The following DHX36 variants were observed in gnomAD, a reference collection of about 807,000 sequenced individuals.
The protein encoded by DHX36 is ATP-dependent DNA/RNA helicase DHX36.
In DHX36, 50 loss-of-function variants were observed where a neutral mutation model predicts 139.0. The observed-to-expected ratio is 0.36, with a 90% CI of 0.29 to 0.46. The LOEUF is 0.46. Among genes scored for constraint, DHX36 ranks in the 20% least tolerant of loss-of-function variants. The pLI is 1.00. For missense variants in DHX36, 1,024 were observed against 1,211.3 expected, an observed-to-expected ratio of 0.85 and a Z score of 2.29; for synonymous variants, 425 against 401.9, an observed-to-expected ratio of 1.06 and a Z score of -0.69.
chr3:154,316,124 T>C lies in DHX36; in HGVS notation c.283A>G (p.Ile95Val), dbSNP rs976806523. Residue 95 changes from isoleucine to valine, a missense_variant, in exon 2 of 25, where the codon ATT becomes GTT. Around this residue, in one of 4 missense-constraint regions of DHX36, gnomAD observed 293 missense variants for 274.4 expected, o/e 1.07. Coordinates refer to ENST00000496811, the MANE Select transcript of DHX36 (RefSeq NM_020865.3). ...VHMDERREEQ[I>V]VQLLNSVQAK... is the part of the protein sequence containing the mutation. Reference sequence around the variant, plus strand: ...TGAACAGAATTCAGTAACTGTACAATTTGTTCTTCTCGTCGTTCATCCATG... The same window carrying C: ...TGAACAGAATTCAGTAACTGTACAACTTGTTCTTCTCGTCGTTCATCCATG... 1.2e-6 allele frequency: 2 copies of C among 1,613,244 alleles called. No homozygotes were observed. Among genetic ancestry groups the C allele is most frequent in the Non-Finnish European group, 1.7e-6 (2 of 1,179,574 alleles).
intron 22 of DHX36, chr3:154,279,827 G>A (rs963972636): frequency 2.6e-5 from 4 of 152,164 alleles, no homozygotes; most frequent in Non-Finnish European, 5.9e-5. Context: ...CACAATGACT[G>A]TTTTAATGCC....
At position 154,276,054 on chromosome 3, in the gene DHX36, G is replaced by T. The variant is rs1213950119; in HGVS notation, c.*117C>A. ...ATTAAGTCTTTACTACCTACTGAAG[G>T]CTTCTACCTTACACATGAAAATTGT... On this transcript the variant is annotated 3_prime_UTR_variant, in exon 25 of 25. Coordinates refer to ENST00000496811, the MANE Select transcript of DHX36 (RefSeq NM_020865.3). 1 of 838,356 alleles carries T rather than the reference G, an allele frequency of 1.2e-6. No individual in the cohort carries two copies. The highest frequency in any genetic ancestry group is 2.5e-5 in the East Asian group (1 of 39,996). The allele number at this position is 838,356 out of a possible 1,614,324, so 51.9% of individuals were successfully genotyped here.
chr3:154,276,418 A>C, intron 24 of DHX36, 62 bp from the exon 25 acceptor site: 1 of 1,441,810 alleles, frequency 6.9e-7, no homozygotes, highest in South Asian at 1.3e-5. Context: ...TAACATAATA[A>C]ATGAAACTAA....
chr3:154,309,551 T>C, intron 5 of DHX36, 102 bp downstream of exon 5: 5 of 1,060,404 alleles, frequency 4.7e-6, no homozygotes, highest in Non-Finnish European at 6.5e-6. Flanking sequence ...TAGTCACCAA[T>C]CCTAAGCCTA....
chr3:154,296,426 A>G (rs1475144429), intron 12 of DHX36, among the ~76,000 whole-genome samples: 1 of 152,152 alleles, frequency 6.6e-6, no homozygotes, highest in Non-Finnish European at 1.5e-5. Context: ...GTGAGCCGAG[A>G]TCGCGCCACT....
intron 5 of DHX36, 71 bp downstream of exon 5, chr3:154,309,582 T>C: frequency 7.4e-7 from 1 of 1,359,438 alleles, no homozygotes; most frequent in Non-Finnish European, 9.9e-7. Flanking sequence ...ACTCCACACC[T>C]TCAGAATCAG....
chr3:154,296,257 G>C (rs564398646), intron 12 of DHX36, among the ~76,000 whole-genome samples: 1 of 151,996 alleles, frequency 6.6e-6, no homozygotes, highest in Admixed American at 6.6e-5. Context: ...GGCGGATCAC[G>C]AGGTCAGGAG....
intron 13 of DHX36, 85 bp from the exon 14 acceptor site, chr3:154,293,897 C>T: frequency 1.0e-6 from 1 of 962,536 alleles, no homozygotes; most frequent in Non-Finnish European, 1.6e-6. Flanking sequence ...ACCTCAGATA[C>T]TGTTCATTTT....
At chr3:154,321,836 G>A (rs143433601) in intron 1 of DHX36, among the ~76,000 whole-genome samples, 9 of 149,804 alleles carry the variant, frequency 6.0e-5, no homozygotes, top group East Asian at 6.0e-4. Flanking sequence ...GTGCACACCC[G>A]TAATCTCAGC....
chr3:154,280,715 G>C, intron 21 of DHX36, 46 bp from the exon 22 acceptor site: 1 of 1,601,788 alleles, frequency 6.2e-7, no homozygotes, highest in South Asian at 1.1e-5. Flanking sequence ...GTAAAATACT[G>C]ATACAATAGA....
Position 154,324,234 on chromosome 3 carries a change from T to G in DHX36, c.183A>C (p.Glu61Asp). 1 of 1,613,584 alleles carries G rather than the reference T, an allele frequency of 6.2e-7. No individual in the cohort carries two copies. The highest frequency in any genetic ancestry group is 8.5e-7 in the Non-Finnish European group (1 of 1,179,718). Reference sequence around the variant, plus strand: ...GTTTTTTCGCGTACCACATGCCGATTTCGCGGCCTTTCAGGTGCCCGGGAT... The same window carrying G: ...GTTTTTTCGCGTACCACATGCCGATGTCGCGGCCTTTCAGGTGCCCGGGAT... ...GRHPGHLKGR[E>D]IGMWYAKKQG... Residue 61 changes from glutamate to aspartate, a missense_variant, in exon 1 of 25, where the codon GAA (glutamate) becomes GAC (aspartate). Coordinates refer to ENST00000496811, the MANE Select transcript of DHX36 (RefSeq NM_020865.3).
intron 15 of DHX36, among the ~76,000 whole-genome samples, chr3:154,291,206 C>A (rs991854256): frequency 6.7e-6 from 1 of 149,174 alleles, no homozygotes; most frequent in African/African-American, 2.5e-5. Flanking sequence ...TTTCTGATCT[C>A]CAAAATAATA....
intron 13 of DHX36, 143 bp from the exon 14 acceptor site, chr3:154,293,955 T>G: frequency 1.8e-6 from 1 of 546,466 alleles, no homozygotes; most frequent in South Asian, 3.3e-5. Context: ...TATTTATCGA[T>G]GTATTTATGA....
At position 154,301,572 on chromosome 3, in the gene DHX36, T is replaced by A. The variant is rs111845444; in HGVS notation, c.1218-445A>T. 1.7e-3 allele frequency among the ~76,000 whole-genome samples: 260 copies of A among 152,254 alleles called. 2 individuals are homozygous for A. The highest frequency in any genetic ancestry group is 6.0e-3 in the African/African-American group (250 of 41,542). ...TGCCTTGGGTCTGTTAATCTAAGAA[T>A]TTTAATTAGTGCCTGCAGGAGATTC... On this transcript the variant is annotated intron_variant, in intron 9 of 24. Transcript: ENST00000496811.
chr3:154,280,749 G>C lies in DHX36; in HGVS notation c.2476+14C>G. Reference sequence around the variant, plus strand: ...GACAAAAGATACTTATTTACACTGTGTTTCCTGCTGTACCTGAATTTATAT... The same window carrying C: ...GACAAAAGATACTTATTTACACTGTCTTTCCTGCTGTACCTGAATTTATAT... On this transcript the variant is annotated intron_variant, in intron 21 of 24. Transcript: ENST00000496811. 6.2e-7 allele frequency: 1 copy of C among 1,610,056 alleles called. No homozygotes were observed. Among genetic ancestry groups the C allele is most frequent in the East Asian group, 2.2e-5 (1 of 44,798 alleles).
At chr3:154,292,812 A>T in intron 14 of DHX36, 118 bp from the exon 15 acceptor site, 1 of 1,313,776 alleles carries the variant, frequency 7.6e-7, no homozygotes, top group African/African-American at 1.5e-5. Flanking sequence ...ATTTCAGAGC[A>T]TTTTTTTTTT....
Position 154,324,442 on chromosome 3 carries a change from G to T in DHX36, c.-26C>A. On this transcript the variant is annotated 5_prime_UTR_variant, in exon 1 of 25. The change creates a new upstream start codon in the 5' untranslated region. Transcript: ENST00000496811. ...TGTCCTGGCAGACTACAACCCGTCA[G>T]AACCAGCAACCGCTGGAAATGGCGT... 1 of 1,458,566 alleles carries T rather than the reference G, an allele frequency of 6.9e-7. No homozygotes were observed. Among genetic ancestry groups the T allele is most frequent in the Non-Finnish European group, 9.0e-7 (1 of 1,107,924 alleles). 90.4% of individuals were successfully genotyped at this position (1,458,566 alleles called of 1,614,324 possible).
At position 154,313,683 on chromosome 3, in the gene DHX36, T is replaced by C. The variant is rs115228581; in HGVS notation, c.603+1363A>G. 4.5e-3 allele frequency among the ~76,000 whole-genome samples: 688 copies of C among 152,010 alleles called. 4 individuals carry two copies. The highest frequency in any genetic ancestry group is 0.016 in the African/African-American group (652 of 41,452). On this transcript the variant is annotated intron_variant, in intron 3 of 24. Transcript: ENST00000496811. ...TGACAGAGTGAGACCCTGTCTTAAA[T>C]ATATATATATACATACACGCACACA... is the stretch of plus-strand genomic sequence containing the variant.
At chr3:154,293,039 T>C (rs1024338762) in intron 14 of DHX36, among the ~76,000 whole-genome samples, 1 of 152,120 alleles carries the variant, frequency 6.6e-6, no homozygotes, top group African/African-American at 2.4e-5. Context: ...CCCAACAGCA[T>C]GGTTTAATAT....
Sources: gnomAD v4.1 joint callset for allele counts (sites outside exome capture counted in the v4.1 genomes callset) on GRCh38, gnomAD v4.1.1 for gene constraint, gnomAD v4.1.1 regional missense constraint, MANE v1.5 for transcripts, NCBI Gene and HGNC (gene_info 2026-07-23, HGNC 2026-07-21) for gene names.